Variants in MDGA2 observed in about 807,000 individuals in gnomAD.
MDGA2 encodes MAM domain-containing glycosylphosphatidylinositol anchor protein 2.
Under a neutral mutation model 117.8 loss-of-function variants are expected in MDGA2, and 40 were observed. The ratio of observed to expected loss-of-function variants is 0.34; its 90% CI spans 0.26 to 0.44. MDGA2 has a LOEUF of 0.44. Among genes scored for constraint, MDGA2 ranks in the 20% least tolerant of loss-of-function variants. MDGA2 has a pLI of 1.00. For synonymous variants in MDGA2, 452 were observed against 439.0 expected (o/e 1.03, Z -0.37); for missense variants, 1,123 against 1,250.6 (o/e 0.90, Z 1.54).
intron 1 of MDGA2, among the ~76,000 whole-genome samples, chr14:47,461,045 C>T (rs936633246): frequency 2.6e-5 from 4 of 151,628 alleles, no homozygotes; most frequent in Admixed American, 6.6e-5. Flanking sequence ...TTTTGAAATC[C>T]GAGGGAATAA....
chr14:47,603,495 G>A (rs184700851), intron 1 of MDGA2, among the ~76,000 whole-genome samples: 99 of 152,212 alleles, frequency 6.5e-4, no homozygotes, highest in African/African-American at 2.1e-3. Context: ...TCATTCCACC[G>A]AACTAACAAG....
intron 4 of MDGA2, among the ~76,000 whole-genome samples, chr14:47,142,218 T>A (rs1478471345): frequency 6.6e-6 from 1 of 151,998 alleles, no homozygotes; most frequent in Non-Finnish European, 1.5e-5. Context: ...CCAAGGCAGG[T>A]GGATTGCTTG....
At chr14:46,906,463 G>C (rs1467109169) in intron 10 of MDGA2, among the ~76,000 whole-genome samples, 2 of 151,958 alleles carry the variant, frequency 1.3e-5, no homozygotes, top group Non-Finnish European at 2.9e-5. Flanking sequence ...TAGAAACACT[G>C]AGCCTTGTCA....
rs559555279 is a variant in MDGA2, at chr14:47,076,509, G to A, written c.1196-14931C>T. 1.0e-3 allele frequency among the ~76,000 whole-genome samples: 156 copies of A among 151,754 alleles called. 1 individual carries two copies. Among genetic ancestry groups the A allele is most frequent in the African/African-American group, 3.6e-3 (149 of 41,418 alleles). ...GTTCCATCACATTTTATCAGGTTAC[G>A]ATGTATTTCAATATATGTGTATGAG... On this transcript the variant is annotated intron_variant, in intron 6 of 16. Coordinates refer to ENST00000399232, the MANE Select transcript of MDGA2 (RefSeq NM_001113498.3).
intron 8 of MDGA2, among the ~76,000 whole-genome samples, chr14:46,987,976 T>C (rs1886928358): frequency 6.6e-6 from 1 of 151,690 alleles, no homozygotes; most frequent in Non-Finnish European, 1.5e-5. Context: ...TGTAGAAGTA[T>C]GTTACTATTA....
chr14:46,947,292 C>T (rs1043917434), intron 9 of MDGA2, among the ~76,000 whole-genome samples: 1 of 152,096 alleles, frequency 6.6e-6, no homozygotes, highest in Non-Finnish European at 1.5e-5. Flanking sequence ...AGTTTAATGT[C>T]TATATAATTC....
At chr14:46,953,951 G>A (rs1885462495) in intron 9 of MDGA2, among the ~76,000 whole-genome samples, 1 of 152,042 alleles carries the variant, frequency 6.6e-6, no homozygotes, top group Non-Finnish European at 1.5e-5. Context: ...GAATCTACCA[G>A]TAGATTCTGT....
chr14:46,898,370 T>C (rs918364374), intron 10 of MDGA2, among the ~76,000 whole-genome samples: 5 of 151,956 alleles, frequency 3.3e-5, no homozygotes, highest in Admixed American at 6.6e-5. Context: ...ATTAATTGGA[T>C]ATAGAGAATA....
chr14:47,257,939 G>A (rs139721904), intron 2 of MDGA2, among the ~76,000 whole-genome samples: 2 of 152,114 alleles, frequency 1.3e-5, no homozygotes, highest in African/African-American at 4.8e-5. Flanking sequence ...TTAACTAGTT[G>A]CAAAGATGCA....
chr14:47,588,229 G>GATATAT (rs1243073183), intron 1 of MDGA2, among the ~76,000 whole-genome samples: 1,602 of 97,520 alleles, frequency 0.016, 13 homozygotes, highest in African/African-American at 0.024. Context: ...ATCTCTTGGA[G>GATATAT]ATAGATAGAT....
At chr14:46,864,543 C>CTGTTTTTTTTTT (rs1881652345) in intron 14 of MDGA2, among the ~76,000 whole-genome samples, 1 of 17,192 alleles carries the variant, frequency 5.8e-5, no homozygotes. Context: ...GCAGATATTG[C>CTGTTTTTTTTTT]TGTTTTTTTT....
intron 5 of MDGA2, among the ~76,000 whole-genome samples, chr14:47,131,140 AC>A (rs1344948230): frequency 2.0e-5 from 3 of 152,018 alleles, no homozygotes; most frequent in Non-Finnish European, 2.9e-5. Context: ...TTTCTCATAT[AC>A]CTTCTCTTTG....
At chr14:46,996,095 A>G (rs1298327237) in intron 8 of MDGA2, among the ~76,000 whole-genome samples, 1 of 152,204 alleles carries the variant, frequency 6.6e-6, no homozygotes, top group African/African-American at 2.4e-5. Context: ...GTCCTTAAGC[A>G]GCATCCTGGG....
intron 7 of MDGA2, among the ~76,000 whole-genome samples, chr14:47,041,033 T>A (rs899138223): frequency 6.6e-6 from 1 of 152,166 alleles, no homozygotes; most frequent in African/African-American, 2.4e-5. Flanking sequence ...TCAATATGAA[T>A]CATGTATATT....
At chr14:47,224,049 A>G (rs1177515187) in intron 2 of MDGA2, among the ~76,000 whole-genome samples, 1 of 152,146 alleles carries the variant, frequency 6.6e-6, no homozygotes, top group Non-Finnish European at 1.5e-5. Flanking sequence ...GGGAGCTACA[A>G]TTCAAGATGA....
At chr14:47,636,946 T>C (rs1897334419) in intron 1 of MDGA2, among the ~76,000 whole-genome samples, 1 of 151,392 alleles carries the variant, frequency 6.6e-6, no homozygotes, top group Non-Finnish European at 1.5e-5. Context: ...CACTCCAGCC[T>C]GGGTGACAGA....
chr14:46,868,939 T>C (rs1240450762), intron 14 of MDGA2, among the ~76,000 whole-genome samples: 2 of 152,036 alleles, frequency 1.3e-5, no homozygotes, highest in Admixed American at 6.6e-5. Context: ...CTGAATTCTT[T>C]TTTTTACCGC....
intron 4 of MDGA2, among the ~76,000 whole-genome samples, chr14:47,140,794 T>TA (rs1310452092): frequency 6.6e-6 from 1 of 151,834 alleles, no homozygotes; most frequent in Non-Finnish European, 1.5e-5. Flanking sequence ...GAAACAGAAA[T>TA]AGAGAAACAG....
intron 1 of MDGA2, among the ~76,000 whole-genome samples, chr14:47,401,019 A>G (rs1892135361): frequency 6.6e-6 from 1 of 151,440 alleles, no homozygotes; most frequent in Non-Finnish European, 1.5e-5. Flanking sequence ...GGCCTCCTAA[A>G]GTGCTGGGAT....
Sources: allele counts gnomAD v4.1 joint callset (sites outside exome capture counted in the v4.1 genomes callset), GRCh38; gene constraint gnomAD v4.1.1; transcripts MANE v1.5; gene names NCBI Gene and HGNC (gene_info 2026-07-23, HGNC 2026-07-21).